The following HACD4 variants were observed in gnomAD, a reference collection of about 807,000 sequenced individuals.
HACD4 encodes 3-hydroxyacyl-CoA dehydratase 4.
Under a neutral mutation model 33.3 loss-of-function variants are expected in HACD4, and 35 were observed. That is an observed-to-expected ratio of 1.05 (90% CI 0.80 to 1.39). HACD4 has a LOEUF of 1.39. Ranked by LOEUF, HACD4 falls within the 40% of genes most tolerant of loss-of-function variation. HACD4 has a pLI of 0.00. For missense variants in HACD4, 323 were observed against 276.5 expected (o/e 1.17, Z -1.19); for synonymous variants, 118 against 98.0 (o/e 1.20, Z -1.21).
At chr9:21,015,820 C>T (rs926591407) in intron 4 of HACD4, 78 bp downstream of exon 4, 1 of 789,374 alleles carries the variant, frequency 1.3e-6, no homozygotes, top group African/African-American at 1.7e-5. Flanking sequence ...TACCAAGTAA[C>T]CTCTGGTTAC....
chr9:21,031,353 C>A (rs79591393), intron 1 of HACD4, 200 bp downstream of exon 1: 19,404 of 617,548 alleles, frequency 0.031, 350 homozygotes, highest in African/African-American at 0.052. Context: ...GAGAAAATAA[C>A]AGAGCCTGCT....
Position 21,015,879 on chromosome 9 carries a change from GATT to G in HACD4, c.383+16_383+18del, listed in dbSNP as rs759892574. ...AAAGCAATTTAGCCTTGTTTTAAGA[GATT>G]ATTTTGCCTTCTTACCTAACCATAT... On this transcript the variant is annotated intron_variant, in intron 4 of 6. Transcript: ENST00000495827. The G allele has an allele frequency of 6.6e-7, 1 of 1,512,106 alleles. No individual in the cohort carries two copies. The highest frequency in any genetic ancestry group is 9.2e-7 in the Non-Finnish European group (1 of 1,088,286). The allele number at this position is 1,512,106 out of a possible 1,614,324, so 93.7% of individuals were successfully genotyped here. A position where few individuals can be genotyped will look rare whatever the true frequency, so the allele number is the denominator to read the frequency against.
chr9:21,019,264 A>G (rs899510420), intron 3 of HACD4, among the ~76,000 whole-genome samples: 4 of 152,126 alleles, frequency 2.6e-5, no homozygotes, highest in African/African-American at 9.7e-5. Flanking sequence ...CAAATGTAGC[A>G]TAATAGTTGA....
In HACD4 at chr9:21,031,602, G is replaced by A. The variant is rs1201227164; in HGVS notation, c.-12C>T. 1.4e-6 allele frequency: 2 copies of A among 1,424,014 alleles called. No individual in the cohort carries two copies. The highest frequency in any genetic ancestry group is 9.1e-7 in the Non-Finnish European group (1 of 1,095,028). 88.2% of individuals were successfully genotyped at this position (1,424,014 alleles called of 1,614,324 possible). A position where few individuals can be genotyped will look rare whatever the true frequency, so the allele number is the denominator to read the frequency against. ...GCCAAGGGCCCCATGGGCCGCCGCC[G>A]CCAGGGCTTCCAGCGCGGTCCAGGA... is the stretch of plus-strand genomic sequence containing the variant. On this transcript the variant is annotated 5_prime_UTR_variant, in exon 1 of 7. Coordinates refer to ENST00000495827, the MANE Select transcript of HACD4 (RefSeq NM_001010915.5).
chr9:21,030,212 G>A (rs939893015), intron 1 of HACD4, among the ~76,000 whole-genome samples: 9 of 151,398 alleles, frequency 5.9e-5, no homozygotes, highest in Non-Finnish European at 1.0e-4. Context: ...AGGCCAAGGC[G>A]GGTTGGATCA....
intron 1 of HACD4, among the ~76,000 whole-genome samples, chr9:21,029,817 G>A (rs935684481): frequency 6.6e-6 from 1 of 152,322 alleles, no homozygotes; most frequent in South Asian, 2.1e-4. Context: ...AGTACCGGTT[G>A]TTTACCTTCC....
Position 21,006,449 on chromosome 9 carries a change from C to G in HACD4, c.*588G>C, listed in dbSNP as rs1349738873. On this transcript the variant is annotated 3_prime_UTR_variant, in exon 7 of 7. Coordinates refer to ENST00000495827, the MANE Select transcript of HACD4 (RefSeq NM_001010915.5). This position sits in a 1 kb window ranked among gnomAD's most constrained non-coding sequence, Gnocchi z 4.6. Reference sequence around the variant, plus strand: ...TGAGAAGCGTTTGCTGTTGTTTAAGCCATTCGGTTTATGGTGTTCTATTAT... The same window carrying G: ...TGAGAAGCGTTTGCTGTTGTTTAAGGCATTCGGTTTATGGTGTTCTATTAT... 1 of 153,674 alleles carries G rather than the reference C, an allele frequency of 6.5e-6. No homozygotes were observed. The highest frequency in any genetic ancestry group is 2.4e-5 in the African/African-American group (1 of 41,424). 9.5% of individuals were successfully genotyped at this position (153,674 alleles called of 1,614,324 possible).
rs1429325527 is a variant in HACD4 at position 21,003,827 on chromosome 9, C to G, written c.*3210G>C. ...AAACTATGTAAGGACATATGACTTA[C>G]ATTACAGTAATTAGCAACAATTCAG... is the stretch of plus-strand genomic sequence containing the variant. On this transcript the variant is annotated 3_prime_UTR_variant, in exon 7 of 7. Transcript: ENST00000495827. 6.6e-6 allele frequency: 1 copy of G among 152,086 alleles called. No homozygotes were observed. Among genetic ancestry groups the G allele is most frequent in the Non-Finnish European group, 1.5e-5 (1 of 68,018 alleles). The allele number at this position is 152,086 out of a possible 1,614,324, so 9.4% of individuals were successfully genotyped here. A position where few individuals can be genotyped will look rare whatever the true frequency, so the allele number is the denominator to read the frequency against.
chr9:21,020,642 A>G (rs6475497), intron 3 of HACD4, among the ~76,000 whole-genome samples: 142,220 of 152,244 alleles, frequency 0.93, 66,730 homozygotes, highest in East Asian at 1. Context: ...GGAGAGGAGA[A>G]ATACCTAGTT....
chr9:21,009,953 C>G (rs1842371839), intron 5 of HACD4, among the ~76,000 whole-genome samples: 1 of 152,186 alleles, frequency 6.6e-6, no homozygotes, highest in Non-Finnish European at 1.5e-5. Context: ...TTGGCATAGT[C>G]TATTCCAAAA....
At chr9:21,018,862 G>A (rs1268516589) in intron 3 of HACD4, among the ~76,000 whole-genome samples, 1 of 152,072 alleles carries the variant, frequency 6.6e-6, no homozygotes, top group African/African-American at 2.4e-5. Flanking sequence ...AGCAAAAATT[G>A]AAACTAAGTT....
chr9:21,020,453 G>A (rs1241811045), intron 3 of HACD4, among the ~76,000 whole-genome samples: 2 of 152,010 alleles, frequency 1.3e-5, no homozygotes, highest in Non-Finnish European at 2.9e-5. Flanking sequence ...TCCTCCTCAG[G>A]CTTCTGTACA....
At chr9:21,020,765 G>A (rs572856806) in intron 3 of HACD4, among the ~76,000 whole-genome samples, 86 of 152,046 alleles carry the variant, frequency 5.7e-4, no homozygotes, top group African/African-American at 1.7e-3. Flanking sequence ...TTTTATTGTC[G>A]TGTAATTATT....
At chr9:21,026,456 C>T (rs953195741) in intron 3 of HACD4, 140 bp downstream of exon 3, 6 of 684,482 alleles carry the variant, frequency 8.8e-6, no homozygotes, top group Admixed American at 2.5e-5. Flanking sequence ...ATAAGGTTGT[C>T]CTTCCATGAA....
chr9:21,016,643 C>G (rs1842562003), intron 3 of HACD4, among the ~76,000 whole-genome samples: 1 of 149,232 alleles, frequency 6.7e-6, no homozygotes, highest in Non-Finnish European at 1.5e-5. Context: ...GTAATGTGAA[C>G]CACTGGGGGG....
In HACD4 at chr9:21,029,326, A is replaced by T. The variant is rs1477410535; in HGVS notation, c.111T>A (p.Asn37Lys). 1 of 1,595,612 alleles carries T rather than the reference A, an allele frequency of 6.3e-7. No homozygotes were observed. The highest frequency in any genetic ancestry group is 8.6e-7 in the Non-Finnish European group (1 of 1,166,142). Residue 37 changes from asparagine (N) to lysine (K), a missense_variant, in exon 2 of 7, where the codon AAT becomes AAA. Transcript: ENST00000495827. ...QFCGHSWIFT[N>K]MTVRFFSFGK... is the part of the protein sequence containing the mutation. ...CAAATGAAAAGAATCTGACTGTCAT[A>T]TTTGTAAATATCCAAGAGTGGCCAC...
intron 3 of HACD4, among the ~76,000 whole-genome samples, chr9:21,022,978 T>A (rs1456340805): frequency 6.6e-6 from 1 of 152,006 alleles, no homozygotes; most frequent in Non-Finnish European, 1.5e-5. Flanking sequence ...CAAATGCCCA[T>A]CAATGATAGA....
rs184603144 is a variant in HACD4 at position 21,004,961 on chromosome 9, G to C, written c.*2076C>G. The C allele has an allele frequency of 6.6e-6, 1 of 152,058 alleles. No homozygotes were observed. The highest frequency in any genetic ancestry group is 2.4e-5 in the African/African-American group (1 of 41,390). 9.4% of individuals were successfully genotyped at this position (152,058 alleles called of 1,614,324 possible). A position where few individuals can be genotyped will look rare whatever the true frequency, so the allele number is the denominator to read the frequency against. On this transcript the variant is annotated 3_prime_UTR_variant, in exon 7 of 7. Transcript: ENST00000495827. The surrounding 1 kb of genome is among the most constrained non-coding windows in gnomAD (Gnocchi z 4.6). Reference sequence around the variant, plus strand: ...GGTGAGGGCTCAAAGAGAAGAGGGTGGGAGAGAAAGCCTCCATCTTCATAG... The same window carrying C: ...GGTGAGGGCTCAAAGAGAAGAGGGTCGGAGAGAAAGCCTCCATCTTCATAG...
At chr9:21,028,729 T>G (rs935083704) in intron 2 of HACD4, among the ~76,000 whole-genome samples, 1 of 152,242 alleles carries the variant, frequency 6.6e-6, no homozygotes, top group Non-Finnish European at 1.5e-5. Flanking sequence ...ACAGTGACTT[T>G]ACTTTTCAGG....
Sources: allele counts gnomAD v4.1 joint callset (sites outside exome capture counted in the v4.1 genomes callset), GRCh38; gene constraint gnomAD v4.1.1; non-coding constraint Gnocchi (gnomAD v3.1); transcripts MANE v1.5; gene names NCBI Gene and HGNC (gene_info 2026-07-23, HGNC 2026-07-21).